Variants in HS6ST3 observed in about 807,000 individuals in gnomAD.
The protein encoded by HS6ST3 is heparan-sulfate 6-O-sulfotransferase 3.
A neutral mutation model predicts 36.7 loss-of-function variants in HS6ST3; 12 were observed. That is an observed-to-expected ratio of 0.33 (90% CI 0.21 to 0.53). The LOEUF (loss-of-function observed/expected upper bound fraction) is 0.53. HS6ST3 is among the 20% of genes least tolerant of loss of function. The pLI is 0.95. For missense variants in HS6ST3, 584 were observed against 640.9 expected (o/e 0.91, Z 0.96); for synonymous variants, 240 against 257.5 (o/e 0.93, Z 0.65).
intron 1 of HS6ST3, among the ~76,000 whole-genome samples, chr13:96,737,606 TG>T (rs1876319163): frequency 8.9e-6 from 1 of 111,750 alleles, no homozygotes; most frequent in Non-Finnish European, 1.6e-5. Flanking sequence ...CAGTCCGGCC[TG>T]GGCGACAGAG....
chr13:96,772,375 A>G (rs1206230885), intron 1 of HS6ST3, among the ~76,000 whole-genome samples: 13 of 152,248 alleles, frequency 8.5e-5, no homozygotes, highest in Non-Finnish European at 1.5e-5. Flanking sequence ...AAACTCAATT[A>G]AAGAAGAGCA....
At chr13:96,112,127 A>G (rs924448631) in intron 1 of HS6ST3, among the ~76,000 whole-genome samples, 5 of 152,158 alleles carry the variant, frequency 3.3e-5, no homozygotes, top group Non-Finnish European at 5.9e-5. Flanking sequence ...AGCCCCAGAA[A>G]TAGATACAAT....
At chr13:96,118,561 T>A (rs1030595171) in intron 1 of HS6ST3, among the ~76,000 whole-genome samples, 2 of 149,690 alleles carry the variant, frequency 1.3e-5, no homozygotes, top group African/African-American at 4.9e-5. Flanking sequence ...AAACTTCCTC[T>A]GATTTGGAAA....
At chr13:96,525,519 T>C (rs1444191537) in intron 1 of HS6ST3, among the ~76,000 whole-genome samples, 2 of 152,154 alleles carry the variant, frequency 1.3e-5, no homozygotes, top group Non-Finnish European at 2.9e-5. Flanking sequence ...GCAGGAACTG[T>C]GGACGTTTTC....
At chr13:96,321,430 G>A (rs2055002482) in intron 1 of HS6ST3, among the ~76,000 whole-genome samples, 2 of 152,032 alleles carry the variant, frequency 1.3e-5, no homozygotes, top group African/African-American at 2.4e-5. Context: ...TCCTCAGCTA[G>A]TCCAGACTAT....
intron 1 of HS6ST3, among the ~76,000 whole-genome samples, chr13:96,592,233 A>G (rs1176972009): frequency 6.6e-6 from 1 of 152,156 alleles, no homozygotes; most frequent in Non-Finnish European, 1.5e-5. Context: ...GCTGATAACA[A>G]CTAAACGCTG....
intron 1 of HS6ST3, among the ~76,000 whole-genome samples, chr13:96,221,514 G>T (rs1363854613): frequency 1.3e-5 from 2 of 152,124 alleles, no homozygotes; most frequent in Non-Finnish European, 2.9e-5. Flanking sequence ...CTAATTAACT[G>T]CAGTGGGATG....
intron 1 of HS6ST3, among the ~76,000 whole-genome samples, chr13:96,765,573 A>G (rs1368655050): frequency 2.1e-5 from 3 of 144,054 alleles, no homozygotes; most frequent in East Asian, 2.1e-4. Context: ...ACAGAGATGT[A>G]TGCGCTCTCT....
chr13:96,190,920 CA>C (rs35335571), intron 1 of HS6ST3, among the ~76,000 whole-genome samples: 21,817 of 151,930 alleles, frequency 0.14, 1,774 homozygotes, highest in African/African-American at 0.2. Context: ...CTGAGTGACA[CA>C]AGGCTAGATG....
chr13:96,649,746 A>G (rs936128218), intron 1 of HS6ST3, among the ~76,000 whole-genome samples: 2 of 151,986 alleles, frequency 1.3e-5, no homozygotes, highest in Non-Finnish European at 2.9e-5. Flanking sequence ...GTTCTGCCTC[A>G]ATGTACACTC....
intron 1 of HS6ST3, among the ~76,000 whole-genome samples, chr13:96,163,330 C>T (rs1319778280): frequency 2.0e-5 from 3 of 149,432 alleles, no homozygotes; most frequent in Admixed American, 6.7e-5. Context: ...CCCGGGTTCA[C>T]GACATTCTCC....
At chr13:96,319,623 A>T (rs1032822892) in intron 1 of HS6ST3, among the ~76,000 whole-genome samples, 14 of 152,194 alleles carry the variant, frequency 9.2e-5, no homozygotes, top group African/African-American at 2.9e-4. Context: ...AGTGTGTGAG[A>T]GTTCCAATTG....
At chr13:96,315,369 TAACACATTGTTTA>T (rs771968553) in intron 1 of HS6ST3, among the ~76,000 whole-genome samples, 1 of 152,174 alleles carries the variant, frequency 6.6e-6, no homozygotes, top group Non-Finnish European at 1.5e-5. Context: ...AAAATAAATG[TAACACATTGTTTA>T]AGCTGATAAC....
At chr13:96,366,020 G>A (rs16953149) in intron 1 of HS6ST3, among the ~76,000 whole-genome samples, 3,765 of 152,178 alleles carry the variant, frequency 0.025, 159 homozygotes, top group African/African-American at 0.084. Context: ...CTTTACAGAG[G>A]TATTTAAAAT....
At chr13:96,466,890 G>C (rs2139495777) in intron 1 of HS6ST3, among the ~76,000 whole-genome samples, 2 of 152,288 alleles carry the variant, frequency 1.3e-5, no homozygotes, top group Admixed American at 1.3e-4. Context: ...AAAACTCTTT[G>C]GTCACAGTAG....
chr13:96,440,938 A>C (rs923776450), intron 1 of HS6ST3, among the ~76,000 whole-genome samples: 1 of 152,172 alleles, frequency 6.6e-6, no homozygotes, highest in Admixed American at 6.5e-5. Context: ...GTCTCTTCCA[A>C]TTCTTATGTT....
chr13:96,667,186 G>A (rs919801611), intron 1 of HS6ST3, among the ~76,000 whole-genome samples: 3 of 152,072 alleles, frequency 2.0e-5, no homozygotes, highest in Non-Finnish European at 2.9e-5. Flanking sequence ...CATTTGTAAG[G>A]CAATATTAAA....
At chr13:96,251,181 C>G (rs117441565) in intron 1 of HS6ST3, among the ~76,000 whole-genome samples, 2 of 152,056 alleles carry the variant, frequency 1.3e-5, no homozygotes, top group African/African-American at 4.8e-5. Context: ...TTTAGGTCTT[C>G]GGTAGAATTC....
chr13:96,199,952 C>T (rs1432949043), intron 1 of HS6ST3, among the ~76,000 whole-genome samples: 1 of 152,094 alleles, frequency 6.6e-6, no homozygotes, highest in Non-Finnish European at 1.5e-5. Context: ...GACTTCTAGA[C>T]TCTTTTCAGG....
Sources: allele counts gnomAD v4.1 joint callset (sites outside exome capture counted in the v4.1 genomes callset), GRCh38; gene constraint gnomAD v4.1.1; transcripts MANE v1.5; gene names NCBI Gene and HGNC (gene_info 2026-07-23, HGNC 2026-07-21).